The following OR6B3 variants were observed in gnomAD, a reference collection of about 807,000 sequenced individuals.
The protein encoded by OR6B3 is olfactory receptor family 6 subfamily B member 3, also known as olfactory receptor 6B3.
For missense variants in OR6B3, 315 were observed against 427.4 expected, an observed-to-expected ratio of 0.74 and a Z score of 2.32; for synonymous variants, 148 against 187.8, an observed-to-expected ratio of 0.79 and a Z score of 1.73.
chr2:240,046,005 A>C, exon 2 of OR6B3: 5 of 1,612,780 alleles, frequency 3.1e-6, no homozygotes, highest in Non-Finnish European at 4.2e-6. Flanking sequence ...CAGGTACTGC[A>C]GCCCTGGGGC....
the OR6B3 span, among the ~76,000 whole-genome samples, chr2:240,052,790 T>C: frequency 4.6e-5 from 7 of 152,196 alleles, no homozygotes; most frequent in Non-Finnish European, 8.8e-5. This position sits in a 1 kb window ranked among gnomAD's most constrained non-coding sequence, Gnocchi z 4.5. Flanking sequence ...TTTTAAAGAA[T>C]AATCCAATTA....
Position 240,045,691 on chromosome 2 carries a change from G to A in OR6B3, c.382C>T (p.His128Tyr), listed in dbSNP as rs752582235. 4.5e-6 allele frequency: 6 copies of A among 1,343,106 alleles called. No homozygotes were observed. In the South Asian group the frequency reaches 7.2e-5, roughly 16 times the overall value. 83.2% of individuals were successfully genotyped at this position (1,343,106 alleles called of 1,614,324 possible). A position where few individuals can be genotyped will look rare whatever the true frequency, so the allele number is the denominator to read the frequency against. ...ACAAGGACGTGGTAGCGCAGCGGGT[G>A]GCAGATGGCCACGTAGCGGTCGTAG... Residue 128 changes from histidine (H) to tyrosine (Y), a missense_variant, in exon 2 of 2, where the codon CAC (histidine) becomes TAC (tyrosine). By Grantham distance (83) the His-to-Tyr change is moderately conservative. Coordinates refer to ENST00000641019, the Ensembl canonical transcript of OR6B3.
At chr2:240,046,742 G>C (rs902915470) in intron 1 of OR6B3, among the ~76,000 whole-genome samples, 1 of 152,170 alleles carries the variant, frequency 6.6e-6, no homozygotes, top group Non-Finnish European at 1.5e-5. Flanking sequence ...TCCCAGAAGA[G>C]AGAAAACAGA....
At chr2:240,050,721 C>CA (rs61309204), upstream of OR6B3, among the ~76,000 whole-genome samples, 926 of 57,274 alleles carry the variant, frequency 0.016, 14 homozygotes, top group African/African-American at 0.034. Context: ...CTCAAAGAGA[C>CA]AAAAAAAAAA....
downstream of OR6B3, among the ~76,000 whole-genome samples, chr2:240,044,657 C>T (rs1460017001): frequency 1.3e-5 from 2 of 152,252 alleles, no homozygotes; most frequent in Non-Finnish European, 2.9e-5. Flanking sequence ...AGGGGGCATC[C>T]ACCCAAGACA....
chr2:240,046,531 G>A (rs958299810), intron 1 of OR6B3, among the ~76,000 whole-genome samples: 1 of 152,148 alleles, frequency 6.6e-6, no homozygotes, highest in Non-Finnish European at 1.5e-5. Flanking sequence ...TATATGACCT[G>A]TTACCTGGTT....
At chr2:240,051,335 G>T (rs748259507), upstream of OR6B3, among the ~76,000 whole-genome samples, 1 of 152,194 alleles carries the variant, frequency 6.6e-6, no homozygotes, top group Non-Finnish European at 1.5e-5. Context: ...AATCATAGAA[G>T]AGTGACTGTT....
chr2:240,048,303 C>G (rs1698218403), upstream of OR6B3, among the ~76,000 whole-genome samples: 1 of 152,164 alleles, frequency 6.6e-6, no homozygotes, highest in South Asian at 2.1e-4. Context: ...TTGCTCACAT[C>G]CTTTCTTGCA....
At chr2:240,051,220 G>A (rs1698252327), upstream of OR6B3, among the ~76,000 whole-genome samples, 1 of 152,170 alleles carries the variant, frequency 6.6e-6, no homozygotes, top group Non-Finnish European at 1.5e-5. Context: ...GGAAGGGTTG[G>A]CGCTATTTAC....
upstream of OR6B3, among the ~76,000 whole-genome samples, chr2:240,049,718 A>G (rs1698232498): frequency 2.0e-5 from 3 of 152,080 alleles, no homozygotes; most frequent in South Asian, 6.2e-4. Context: ...AATTGTTTGG[A>G]AAAAAAGAGA....
exon 2 of OR6B3, chr2:240,045,718 C>A: frequency 7.3e-7 from 1 of 1,368,458 alleles, no homozygotes; most frequent in Non-Finnish European, 1.0e-6. Flanking sequence ...CGGTCGTAGG[C>A]CATGGAGGCC....
chr2:240,045,902 C>T, exon 2 of OR6B3: 1 of 1,585,834 alleles, frequency 6.3e-7, no homozygotes, highest in South Asian at 1.1e-5. Context: ...AGTACATGGG[C>T]CTGTGGAGGG....
At chr2:240,046,370 C>T (rs1698189211) in intron 1 of OR6B3, among the ~76,000 whole-genome samples, 1 of 152,182 alleles carries the variant, frequency 6.6e-6, no homozygotes, top group Admixed American at 6.5e-5. Flanking sequence ...AAGCTGTGTC[C>T]TATTTTTCAC....
upstream of OR6B3, among the ~76,000 whole-genome samples, chr2:240,050,708 C>T (rs1242884128): frequency 2.2e-5 from 3 of 136,294 alleles, no homozygotes. Flanking sequence ...AGTAAGACTC[C>T]GTCTCAAAGA....
At chr2:240,045,258 T>C in exon 2 of OR6B3, 1 of 1,614,178 alleles carries the variant, frequency 6.2e-7, no homozygotes, top group Non-Finnish European at 8.5e-7. Context: ...AGAGATGAGC[T>C]TGTTGGAGCT....
At chr2:240,049,303 T>C (rs1698228244), upstream of OR6B3, among the ~76,000 whole-genome samples, 1 of 152,148 alleles carries the variant, frequency 6.6e-6, no homozygotes, top group African/African-American at 2.4e-5. Flanking sequence ...GTACATAAAA[T>C]AGAAGATCTG....
exon 2 of OR6B3, chr2:240,045,618 C>A: frequency 6.9e-7 from 1 of 1,441,570 alleles, no homozygotes; most frequent in Non-Finnish European, 9.7e-7. Flanking sequence ...GATGGTGAAG[C>A]CACTCACAAA....
Position 240,045,143 on chromosome 2 carries a change from G to A in OR6B3, c.930C>T (p.Cys310=), listed in dbSNP as rs370766962. The change falls in exon 2 of 2, where the codon TGC becomes TGT. Residue 310 remains cysteine (C), a synonymous_variant. Coordinates refer to ENST00000641019, the Ensembl canonical transcript of OR6B3. ...GACTAGAAAGCCTCCCCTCTACGGC[G>A]CAGCTCGTCAAGCCGAAGGCTTTTT... The A allele has an allele frequency of 7.4e-5, 119 of 1,613,902 alleles. 1 individual carries two copies. The highest frequency in any genetic ancestry group is 9.5e-5 in the Non-Finnish European group (112 of 1,179,930).
chr2:240,048,467 C>T (rs543425144), upstream of OR6B3, among the ~76,000 whole-genome samples: 19 of 152,098 alleles, frequency 1.2e-4, no homozygotes, highest in South Asian at 3.5e-3. Flanking sequence ...GGGCTGGGTA[C>T]GAGCCGGCTG....
Sources: allele counts gnomAD v4.1 joint callset (sites outside exome capture counted in the v4.1 genomes callset), GRCh38; gene constraint gnomAD v4.1.1; non-coding constraint Gnocchi (gnomAD v3.1); transcripts MANE v1.5; gene names NCBI Gene and HGNC (gene_info 2026-07-23, HGNC 2026-07-21).